Variants in TOX observed in about 807,000 individuals in gnomAD.
TOX encodes thymocyte selection-associated high mobility group box protein TOX.
Under a neutral mutation model 53.7 loss-of-function variants are expected in TOX, and 11 were observed. The ratio of observed to expected loss-of-function variants is 0.20; its 90% CI spans 0.13 to 0.34. TOX has a LOEUF of 0.34. Ranked by LOEUF, TOX falls within the 10% of genes least tolerant of loss-of-function variation. TOX has a pLI of 1.00. For synonymous variants in TOX, 225 were observed against 245.3 expected, an observed-to-expected ratio of 0.92 and a Z score of 0.77; for missense variants, 570 against 664.6, an observed-to-expected ratio of 0.86 and a Z score of 1.56.
In TOX at chr8:58,807,745, T is replaced by A. The variant is rs1810003995; in HGVS notation, c.*2A>T. On this transcript the variant is annotated 3_prime_UTR_variant, in exon 9 of 9. Transcript: ENST00000361421. ...CAGTGGAAAGAAGAGGTGTTCAGAT[T>A]CTCAAGTAAGGTACAGTGCTTTGTC... 1 of 1,614,056 alleles carries A rather than the reference T, an allele frequency of 6.2e-7. No individual in the cohort carries two copies. The highest frequency in any genetic ancestry group is 8.5e-7 in the Non-Finnish European group (1 of 1,179,958).
intron 2 of TOX, among the ~76,000 whole-genome samples, chr8:58,940,339 G>GTT (rs796752925): frequency 6.8e-6 from 1 of 146,940 alleles, no homozygotes; most frequent in Non-Finnish European, 1.5e-5. Flanking sequence ...ACATATGTGG[G>GTT]TTTTTTTTTT....
chr8:59,044,976 C>T (rs1238566352), intron 1 of TOX, among the ~76,000 whole-genome samples: 1 of 152,228 alleles, frequency 6.6e-6, no homozygotes, highest in African/African-American at 2.4e-5. Flanking sequence ...GGCACTGAGG[C>T]TATCATTCCA....
At chr8:59,044,621 C>T (rs1223655666) in intron 1 of TOX, among the ~76,000 whole-genome samples, 1 of 152,134 alleles carries the variant, frequency 6.6e-6, no homozygotes, top group Non-Finnish European at 1.5e-5. Flanking sequence ...GCTTCCTTCA[C>T]CTAACATACA....
intron 4 of TOX, among the ~76,000 whole-genome samples, chr8:58,838,699 CTTTTTTTTTTT>C (rs35347981): frequency 1.1e-5 from 1 of 88,912 alleles, no homozygotes; most frequent in Non-Finnish European, 2.0e-5. Context: ...TTATCCTTGT[CTTTTTTTTTTT>C]TTTTTTTTTT....
intron 1 of TOX, among the ~76,000 whole-genome samples, chr8:59,079,468 A>G (rs563229084): frequency 6.6e-6 from 1 of 152,160 alleles, no homozygotes; most frequent in African/African-American, 2.4e-5. Context: ...CATGCAGGCC[A>G]CTCCAGACTC....
intron 3 of TOX, among the ~76,000 whole-genome samples, chr8:58,856,601 G>A (rs1338151484): frequency 1.3e-5 from 2 of 152,108 alleles, no homozygotes; most frequent in Non-Finnish European, 2.9e-5. Flanking sequence ...CTTTTGTGCT[G>A]AAAAATGGGC....
intron 2 of TOX, among the ~76,000 whole-genome samples, chr8:58,942,103 CACAACTAATGCCAGCAATAATGGAGAA>C (rs1411607337): frequency 6.6e-6 from 1 of 150,404 alleles, no homozygotes; most frequent in Non-Finnish European, 1.5e-5. Context: ...CTGAATAAGG[CACAACTAATGCCAGCAATAATGGAGAA>C]AGATGTTTTT....
At chr8:59,100,439 G>A (rs547644743) in intron 1 of TOX, among the ~76,000 whole-genome samples, 1 of 152,294 alleles carries the variant, frequency 6.6e-6, no homozygotes, top group African/African-American at 2.4e-5. Flanking sequence ...GCCATCAGCA[G>A]GTCTGTGTAA....
rs544343059 is a variant in TOX at position 59,035,733 on chromosome 8, T to C, written c.103-75725A>G. On this transcript the variant is annotated intron_variant, in intron 1 of 8. Coordinates refer to ENST00000361421, the MANE Select transcript of TOX (RefSeq NM_014729.3). Reference sequence around the variant, plus strand: ...TGCAAAGCCAAAAATGTCCTGAAAATAATTTTTCTTTTTAGATCAGTGATC... The same window carrying C: ...TGCAAAGCCAAAAATGTCCTGAAAACAATTTTTCTTTTTAGATCAGTGATC... 3.9e-5 allele frequency among the ~76,000 whole-genome samples: 6 copies of C among 152,304 alleles called. 1 individual carries two copies. Among genetic ancestry groups the C allele is most frequent in the Admixed American group, 1.3e-4 (2 of 15,300 alleles).
chr8:58,980,615 C>T (rs941763775), intron 1 of TOX, among the ~76,000 whole-genome samples: 1 of 152,090 alleles, frequency 6.6e-6, no homozygotes, highest in African/African-American at 2.4e-5. Context: ...TGTTACCACC[C>T]TCATGTTCCA....
chr8:59,029,580 C>G (rs1350372827), intron 1 of TOX, among the ~76,000 whole-genome samples: 2 of 152,144 alleles, frequency 1.3e-5, no homozygotes, highest in African/African-American at 4.8e-5. Flanking sequence ...ATTTTACAGA[C>G]AAGGTGGAAG....
intron 1 of TOX, among the ~76,000 whole-genome samples, chr8:59,053,848 C>A (rs1163924072): frequency 6.6e-6 from 1 of 152,028 alleles, no homozygotes; most frequent in Non-Finnish European, 1.5e-5. Flanking sequence ...AATTCAAGAC[C>A]AAGCAATAAT....
At chr8:58,855,205 G>A (rs1810893987) in intron 3 of TOX, among the ~76,000 whole-genome samples, 1 of 151,998 alleles carries the variant, frequency 6.6e-6, no homozygotes, top group Admixed American at 6.6e-5. Flanking sequence ...GTTATTCTGA[G>A]TCACATTTCT....
At chr8:59,062,411 A>C (rs946030675) in intron 1 of TOX, among the ~76,000 whole-genome samples, 1 of 148,136 alleles carries the variant, frequency 6.8e-6, no homozygotes, top group African/African-American at 2.5e-5. Flanking sequence ...GGTGGCTGAG[A>C]GAAGATTACT....
chr8:59,017,093 A>G (rs528393455), intron 1 of TOX, among the ~76,000 whole-genome samples: 14 of 152,204 alleles, frequency 9.2e-5, no homozygotes, highest in Non-Finnish European at 1.8e-4. Context: ...CACCTCTGGG[A>G]GGCATGCTGC....
intron 4 of TOX, among the ~76,000 whole-genome samples, chr8:58,841,046 G>A (rs972888781): frequency 3.3e-5 from 5 of 152,206 alleles, no homozygotes; most frequent in African/African-American, 1.2e-4. Flanking sequence ...CTTCTCTTGT[G>A]AGTGTACTTA....
intron 8 of TOX, 32 bp from the exon 9 acceptor site, chr8:58,807,815 T>C: frequency 1.2e-6 from 2 of 1,613,794 alleles, no homozygotes; most frequent in East Asian, 2.2e-5. Flanking sequence ...AGTTCCTTGT[T>C]ACAGGACAAC....
At chr8:58,872,715 C>A (rs563059748) in intron 3 of TOX, among the ~76,000 whole-genome samples, 13 of 152,150 alleles carry the variant, frequency 8.5e-5, no homozygotes, top group Admixed American at 7.9e-4. Context: ...CTGAGGTCAT[C>A]AAAAACAAGG....
chr8:58,973,895 T>C (rs1813047069), intron 1 of TOX, among the ~76,000 whole-genome samples: 1 of 152,066 alleles, frequency 6.6e-6, no homozygotes, highest in Non-Finnish European at 1.5e-5. Flanking sequence ...CCTCCCAGGT[T>C]CAAGCAATTC....
Sources: allele counts gnomAD v4.1 joint callset (sites outside exome capture counted in the v4.1 genomes callset), GRCh38; gene constraint gnomAD v4.1.1; transcripts MANE v1.5; gene names NCBI Gene and HGNC (gene_info 2026-07-23, HGNC 2026-07-21).